MDM2: variants seen among roughly 807,000 people sequenced by gnomAD.
MDM2 encodes the protein MDM2 proto-oncogene.
MDM2 carries 11 observed loss-of-function variants against 64.3 expected under a neutral mutation model. The observed-to-expected ratio is 0.17, with a 90% CI of 0.11 to 0.28. MDM2 has a LOEUF of 0.28. Among genes scored for constraint, MDM2 ranks in the 10% least tolerant of loss-of-function variants. The pLI is 1.00. For synonymous variants in MDM2, 194 were observed against 192.9 expected (o/e 1.01, Z -0.05); for missense variants, 388 against 577.1 (o/e 0.67, Z 3.36).
At chr12:68,817,335 C>A (rs1881468530) in intron 4 of MDM2, among the ~76,000 whole-genome samples, 2 of 152,268 alleles carry the variant, frequency 1.3e-5, no homozygotes, top group Admixed American at 6.5e-5. Context: ...ACTTTTTATT[C>A]CAGAAACAGT....
intron 8 of MDM2, among the ~76,000 whole-genome samples, chr12:68,835,494 C>T (rs1027191488): frequency 1.3e-5 from 2 of 152,198 alleles, no homozygotes; most frequent in African/African-American, 4.8e-5. Context: ...TAGGTACTTT[C>T]GATGCCAAGA....
intron 2 of MDM2, among the ~76,000 whole-genome samples, chr12:68,810,408 G>A (rs1327528282): frequency 2.0e-5 from 3 of 151,846 alleles, no homozygotes; most frequent in Admixed American, 2.0e-4. Flanking sequence ...CTCACCAAAA[G>A]GCTCTAACAG....
At chr12:68,808,999 A>G in intron 1 of MDM2, 1 of 1,450,402 alleles carries the variant, frequency 6.9e-7, no homozygotes, top group Non-Finnish European at 9.0e-7. Context: ...GGCTATTTAA[A>G]CCATGCATTT....
intron 6 of MDM2, 28 bp from the exon 7 acceptor site, chr12:68,824,527 G>GTATTTTATTT: frequency 6.2e-7 from 1 of 1,600,350 alleles, no homozygotes; most frequent in Non-Finnish European, 8.5e-7. Context: ...TAAGTTTGTT[G>GTATTTTATTT]TATTTTATTT....
intron 3 of MDM2, chr12:68,815,772 T>C: frequency 9.3e-6 from 2 of 215,688 alleles, no homozygotes; most frequent in South Asian, 4.4e-5. Flanking sequence ...ACAGTGATAA[T>C]AATCTTATGA....
chr12:68,840,835 C>CTTTTTTTT lies in MDM2; in HGVS notation c.*1006_*1013dup, dbSNP rs60051373. 4.1e-5 allele frequency: 3 copies of CTTTTTTTT among 73,912 alleles called. No homozygotes were observed. Among genetic ancestry groups the CTTTTTTTT allele is most frequent in the African/African-American group, 2.1e-4 (3 of 14,058 alleles). 4.6% of individuals were successfully genotyped at this position (73,912 alleles called of 1,614,324 possible). A position where few individuals can be genotyped will look rare whatever the true frequency, so the allele number is the denominator to read the frequency against. ...AATTAGTATTTAAATTTTAGATACTCTTTTTTTTTTTTTTTTTTTTTTTTT... is the reference window on the plus strand; with the variant it reads ...AATTAGTATTTAAATTTTAGATACTCTTTTTTTTTTTTTTTTTTTTTTTTTTTTTTTTT... On this transcript the variant is annotated 3_prime_UTR_variant, in exon 11 of 11. Coordinates refer to ENST00000258149, the MANE Select transcript of MDM2 (RefSeq NM_002392.6).
intron 4 of MDM2, chr12:68,817,146 A>G (rs943967396): frequency 3.9e-6 from 2 of 509,134 alleles, no homozygotes; most frequent in African/African-American, 2.0e-5. Flanking sequence ...ACCTAGCCCA[A>G]TCATTTACTA....
At chr12:68,810,779 A>G (rs992879203) in intron 2 of MDM2, among the ~76,000 whole-genome samples, 1 of 147,582 alleles carries the variant, frequency 6.8e-6, no homozygotes, top group Non-Finnish European at 1.5e-5. Flanking sequence ...TATTATTACT[A>G]TTTTTTTGAT....
At chr12:68,817,001 A>G (rs1336686011) in intron 4 of MDM2, 56 bp downstream of exon 4, 1 of 1,559,524 alleles carries the variant, frequency 6.4e-7, no homozygotes, top group East Asian at 2.3e-5. Context: ...ATTTCAGTTC[A>G]CCTCTACCCT....
At chr12:68,824,498 G>C in intron 6 of MDM2, 57 bp from the exon 7 acceptor site, 2 of 1,591,842 alleles carry the variant, frequency 1.3e-6, no homozygotes, top group East Asian at 4.5e-5. Context: ...TTTACAACAA[G>C]TTAGCTTACT....
rs1392233926 is a variant in MDM2 at position 68,835,842 on chromosome 12, G to C, written c.698G>C (p.Gly233Ala). The C allele has an allele frequency of 3.7e-6, 6 of 1,612,696 alleles. No homozygotes were observed. Among genetic ancestry groups the C allele is most frequent in the African/African-American group, 1.3e-5 (1 of 75,000 alleles). Residue 233 changes from glycine (G) to alanine (A), a missense_variant, in exon 9 of 11, where the codon GGT becomes GCT. Physicochemically the swap from Gly to Ala is moderately conservative, Grantham distance 60. Around this residue, in one of 5 missense-constraint regions of MDM2, gnomAD observed 168 missense variants for 236.6 expected, o/e 0.71. Coordinates refer to ENST00000258149, the MANE Select transcript of MDM2 (RefSeq NM_002392.6). ...TTCTTGTTTTAGGATCTTGATGCTG[G>C]TGTAAGTGAACATTCAGGTGATTGG... The part of the protein sequence containing the change: ...GTPSNPDLDA[G>A]VSEHSGDWLD...
chr12:68,824,065 T>G (rs1882095127), intron 5 of MDM2: 1 of 310,784 alleles, frequency 3.2e-6, no homozygotes, highest in East Asian at 5.3e-5. Context: ...CCTGATTCTT[T>G]GTTTCTCAGA....
Position 68,839,855 on chromosome 12 carries a change from C to A in MDM2, c.*6C>A. On this transcript the variant is annotated 3_prime_UTR_variant, in exon 11 of 11. Transcript: ENST00000258149. ...TGCTAACTTATTTCCCCTAGTTGAC[C>A]TGTCTATAAGAGAATTATATATTTC... 1.2e-6 allele frequency: 2 copies of A among 1,612,334 alleles called. No individual in the cohort carries two copies. The highest frequency in any genetic ancestry group is 1.7e-6 in the Non-Finnish European group (2 of 1,178,694).
intron 2 of MDM2, among the ~76,000 whole-genome samples, chr12:68,811,492 C>T (rs905846433): frequency 4.6e-5 from 7 of 151,842 alleles, no homozygotes; most frequent in African/African-American, 1.7e-4. Flanking sequence ...CTGTAATTTA[C>T]CTTCTTGTTC....
rs187742885 is a variant in MDM2, at chr12:68,845,048, G to A, written c.*5199G>A. On this transcript the variant is annotated 3_prime_UTR_variant, in exon 11 of 11. Transcript: ENST00000258149. ...CCCCCAAAGTGCTGTGATTACAGGC[G>A]TGAGCCGCCACGCCCAGCCTAATAA... The A allele has an allele frequency of 6.3e-5, 13 of 207,530 alleles. No individual in the cohort carries two copies. The highest frequency in any genetic ancestry group is 3.0e-4 in the African/African-American group (13 of 43,814). The allele number at this position is 207,530 out of a possible 1,614,324, so 12.9% of individuals were successfully genotyped here.
rs1883838309 is a variant in MDM2, at chr12:68,842,318, A to G, written c.*2469A>G. 1 of 495,744 alleles carries G rather than the reference A, an allele frequency of 2.0e-6. No homozygotes were observed. The highest frequency in any genetic ancestry group is 1.9e-5 in the African/African-American group (1 of 51,644). 30.7% of individuals were successfully genotyped at this position (495,744 alleles called of 1,614,324 possible). The stretch of plus-strand genomic sequence containing the variant: ...ACTCATCTTGACCCCTGTTGCAGGC[A>G]AAGGAACGCAGCTGGAAGAAAAGAT... On this transcript the variant is annotated 3_prime_UTR_variant, in exon 11 of 11. Coordinates refer to ENST00000258149, the MANE Select transcript of MDM2 (RefSeq NM_002392.6).
Position 68,824,539 on chromosome 12 carries a change from T to C in MDM2, c.427-16T>C. 1 of 1,606,066 alleles carries C rather than the reference T, an allele frequency of 6.2e-7. No homozygotes were observed. Among genetic ancestry groups the C allele is most frequent in the Non-Finnish European group, 8.5e-7 (1 of 1,176,476 alleles). On this transcript the variant is annotated splice_polypyrimidine_tract_variant and intron_variant, in intron 6 of 10. Transcript: ENST00000258149. The stretch of plus-strand genomic sequence containing the variant: ...TGTTAAGTTTGTTGTATTTTATTTT[T>C]TTCCTAAATGCTTAGGACCTTGTAC...
At chr12:68,848,113 T>C (rs1352649663), downstream of MDM2, 1 of 152,230 alleles carries the variant, frequency 6.6e-6, no homozygotes, top group Non-Finnish European at 1.5e-5. Flanking sequence ...AGGAGACAGA[T>C]GGAGACTTGT....
In MDM2 at chr12:68,842,206, T is replaced by C. The variant is rs1883823774; in HGVS notation, c.*2357T>C. On this transcript the variant is annotated 3_prime_UTR_variant, in exon 11 of 11. Coordinates refer to ENST00000258149, the MANE Select transcript of MDM2 (RefSeq NM_002392.6). ...GATGCAGTGAAGACAGTTGAAAAGA[T>C]CAAACAAATGCCAAGCTATATTTAT... 1 of 500,268 alleles carries C rather than the reference T, an allele frequency of 2.0e-6. No individual in the cohort carries two copies. Among genetic ancestry groups the C allele is most frequent in the African/African-American group, 1.9e-5 (1 of 51,872 alleles). 31.0% of individuals were successfully genotyped at this position (500,268 alleles called of 1,614,324 possible). A position where few individuals can be genotyped will look rare whatever the true frequency, so the allele number is the denominator to read the frequency against.
Sources: allele counts gnomAD v4.1 joint callset (sites outside exome capture counted in the v4.1 genomes callset), GRCh38; gene constraint gnomAD v4.1.1; regional missense constraint gnomAD v4.1.1; transcripts MANE v1.5; gene names NCBI Gene and HGNC (gene_info 2026-07-23, HGNC 2026-07-21).